SMAD1: variants seen among roughly 807,000 people sequenced by gnomAD.
The protein encoded by SMAD1 is SMAD family member 1.
A neutral mutation model predicts 41.6 loss-of-function variants in SMAD1; 6 were observed. The observed-to-expected ratio is 0.14, with a 90% confidence interval of 0.08 to 0.28. SMAD1 has a LOEUF of 0.28. SMAD1 is among the 10% of genes least tolerant of loss of function. SMAD1 has a pLI of 1.00. For synonymous variants in SMAD1, 206 were observed against 203.2 expected (o/e 1.01, Z -0.12); for missense variants, 379 against 582.6 (o/e 0.65, Z 3.60).
At chr4:145,550,580 G>T (rs1442194767) in intron 5 of SMAD1, among the ~76,000 whole-genome samples, 1 of 152,116 alleles carries the variant, frequency 6.6e-6, no homozygotes, top group African/African-American at 2.4e-5. Context: ...AAATGAATTT[G>T]CACTCCTACC....
At chr4:145,515,681 C>T (rs1025214433) in intron 2 of SMAD1, among the ~76,000 whole-genome samples, 51 of 152,082 alleles carry the variant, frequency 3.4e-4, no homozygotes, top group Non-Finnish European at 6.0e-4. Context: ...AAAATTTATA[C>T]GGTTTTGCCC....
At chr4:145,544,765 A>G (rs1414416933) in intron 4 of SMAD1, 1 of 152,068 alleles carries the variant, frequency 6.6e-6, no homozygotes. Context: ...TTCTGAGTCA[A>G]TGAACACTCT....
At chr4:145,521,061 A>G (rs78211358) in intron 2 of SMAD1, among the ~76,000 whole-genome samples, 1,580 of 152,322 alleles carry the variant, frequency 0.01, 21 homozygotes, top group African/African-American at 0.035. Context: ...GTGAATACTT[A>G]CAGGAAAGAG....
chr4:145,503,631 A>G (rs1325602944), intron 1 of SMAD1, among the ~76,000 whole-genome samples: 1 of 152,190 alleles, frequency 6.6e-6, no homozygotes, highest in African/African-American at 2.4e-5. Context: ...TCCTCCTCCA[A>G]TACAAATACA....
At chr4:145,549,458 G>A (rs1053382787) in intron 5 of SMAD1, among the ~76,000 whole-genome samples, 7 of 152,178 alleles carry the variant, frequency 4.6e-5, no homozygotes, top group Non-Finnish European at 1.0e-4. Context: ...CATACAGACA[G>A]ACACACACAT....
At chr4:145,522,172 C>T (rs1358267405) in intron 2 of SMAD1, among the ~76,000 whole-genome samples, 1 of 151,670 alleles carries the variant, frequency 6.6e-6, no homozygotes, top group Non-Finnish European at 1.5e-5. Context: ...AGGTGGCGGG[C>T]GCCTGTAGTC....
At chr4:145,488,747 T>G (rs1280452422) in intron 1 of SMAD1, among the ~76,000 whole-genome samples, 1 of 152,220 alleles carries the variant, frequency 6.6e-6, no homozygotes, top group Non-Finnish European at 1.5e-5. Flanking sequence ...TTTGATCATT[T>G]TGCTGCAGTA....
At chr4:145,531,586 A>G (rs1731318955) in intron 2 of SMAD1, among the ~76,000 whole-genome samples, 1 of 152,172 alleles carries the variant, frequency 6.6e-6, no homozygotes, top group African/African-American at 2.4e-5. Context: ...CTCATCCATC[A>G]GAAGACTTGC....
chr4:145,518,462 C>G (rs2126430837), intron 2 of SMAD1, among the ~76,000 whole-genome samples: 1 of 116,942 alleles, frequency 8.6e-6, no homozygotes, highest in South Asian at 3.0e-4. Flanking sequence ...GCACTCCAGC[C>G]TGGGGGACAA....
chr4:145,502,865 T>G (rs545362572), intron 1 of SMAD1: 1 of 152,200 alleles, frequency 6.6e-6, no homozygotes, highest in South Asian at 2.1e-4. Flanking sequence ...ATTCCTAAGA[T>G]TTCTACTCAC....
intron 5 of SMAD1, among the ~76,000 whole-genome samples, chr4:145,547,501 T>C (rs1288714735): frequency 2.6e-5 from 4 of 152,216 alleles, no homozygotes; most frequent in Non-Finnish European, 4.4e-5. Flanking sequence ...AAGTTATGAA[T>C]ATAGTAAGTG....
At chr4:145,524,322 A>T (rs574301186) in intron 2 of SMAD1, among the ~76,000 whole-genome samples, 2 of 149,720 alleles carry the variant, frequency 1.3e-5, no homozygotes, top group South Asian at 4.3e-4. Context: ...TGTTATTTTA[A>T]TTTTTTTTTT....
rs544442161 is a variant in SMAD1, at chr4:145,488,433, A to C, written c.-177+6395A>C. Among the ~76,000 whole-genome samples, 47 of 152,088 alleles carry C rather than the reference A, an allele frequency of 3.1e-4. 1 individual carries two copies. The highest frequency in any genetic ancestry group is 1.1e-3 in the African/African-American group (44 of 41,514). ...CTCTACAATCTGAGATTGTTAGGGT[A>C]TAGTTACTCCAACTATTCATGTATT... On this transcript the variant is annotated intron_variant, in intron 1 of 6. Transcript: ENST00000302085.
intron 1 of SMAD1, among the ~76,000 whole-genome samples, chr4:145,510,032 A>G (rs987940255): frequency 6.6e-6 from 1 of 152,204 alleles, no homozygotes. Flanking sequence ...TCCTGTAGTG[A>G]AGATGACAGA....
chr4:145,498,510 G>A (rs1437916541), intron 1 of SMAD1, among the ~76,000 whole-genome samples: 5 of 151,962 alleles, frequency 3.3e-5, no homozygotes, highest in Non-Finnish European at 7.4e-5. Context: ...ATTTATTTTT[G>A]TTATTGTGGT....
chr4:145,520,642 A>G (rs1730688554), intron 2 of SMAD1, among the ~76,000 whole-genome samples: 1 of 152,232 alleles, frequency 6.6e-6, no homozygotes, highest in Non-Finnish European at 1.5e-5. Context: ...GATATTCATT[A>G]AGATGAGCCC....
At chr4:145,551,016 A>T (rs1732528978) in intron 5 of SMAD1, among the ~76,000 whole-genome samples, 1 of 152,258 alleles carries the variant, frequency 6.6e-6, no homozygotes, top group African/African-American at 2.4e-5. Context: ...TTTTTTTGAA[A>T]ATTGGAAAAT....
chr4:145,487,335 A>G (rs1728527552), intron 1 of SMAD1, among the ~76,000 whole-genome samples: 2 of 152,144 alleles, frequency 1.3e-5, no homozygotes, highest in South Asian at 4.1e-4. Context: ...TGAGGAGAAA[A>G]AGGATAATTT....
At chr4:145,510,822 T>C (rs1461009387) in intron 1 of SMAD1, among the ~76,000 whole-genome samples, 2 of 152,192 alleles carry the variant, frequency 1.3e-5, no homozygotes, top group Admixed American at 1.3e-4. Flanking sequence ...GGATTGTGGG[T>C]TTGCCTGTCA....
Sources: allele counts gnomAD v4.1 joint callset (sites outside exome capture counted in the v4.1 genomes callset), GRCh38; gene constraint gnomAD v4.1.1; transcripts MANE v1.5; gene names NCBI Gene and HGNC (gene_info 2026-07-23, HGNC 2026-07-21).